PPFIBP2: variants seen among roughly 807,000 people sequenced by gnomAD.
PPFIBP2 encodes PPFIB scaffold protein 2.
Under a neutral mutation model 118.3 loss-of-function variants are expected in PPFIBP2, and 118 were observed. The ratio of observed to expected loss-of-function variants is 1.00; its 90% confidence interval spans 0.86 to 1.16. PPFIBP2 has a LOEUF of 1.16. Ranked by LOEUF, PPFIBP2 falls within the 50% of genes most tolerant of loss-of-function variation. The pLI is 0.00. For missense variants in PPFIBP2, 1,195 were observed against 1,073.1 expected, an observed-to-expected ratio of 1.11 and a Z score of -1.59; for synonymous variants, 414 against 397.4, an observed-to-expected ratio of 1.04 and a Z score of -0.50.
At chr11:7,592,876 G>T (rs61890239) in intron 3 of PPFIBP2, among the ~76,000 whole-genome samples, 49,735 of 152,022 alleles carry the variant, frequency 0.33, 8,489 homozygotes, top group East Asian at 0.44. Context: ...GTTTCACAGA[G>T]GCCCTCCTGG....
intron 4 of PPFIBP2, 23 bp downstream of exon 4, chr11:7,593,247 C>T (rs752167308): frequency 1.8e-5 from 29 of 1,611,966 alleles, no homozygotes; most frequent in Middle Eastern, 3.3e-4. Context: ...TGGTGAGAAT[C>T]GGCTTATCCT....
chr11:7,660,985 G>GT (rs1854878429), downstream of PPFIBP2, among the ~76,000 whole-genome samples: 1 of 151,850 alleles, frequency 6.6e-6, no homozygotes, highest in Non-Finnish European at 1.5e-5. Context: ...TGTGGGATCG[G>GT]TGGTGATATC....
chr11:7,597,882 C>A (rs1590466532), intron 5 of PPFIBP2: 1 of 530,148 alleles, frequency 1.9e-6, no homozygotes, highest in East Asian at 3.3e-5. Context: ...GAAGGGCTGC[C>A]CTGAGATGAA....
chr11:7,635,458 T>G (rs1851328414), intron 13 of PPFIBP2, 94 bp from the exon 14 acceptor site: 3 of 1,266,678 alleles, frequency 2.4e-6, no homozygotes, highest in Non-Finnish European at 3.5e-6. Flanking sequence ...GCCTTTCAGA[T>G]TTAAGCAAAC....
At chr11:7,567,007 C>T (rs77685481) in intron 3 of PPFIBP2, among the ~76,000 whole-genome samples, 3,153 of 152,226 alleles carry the variant, frequency 0.021, 42 homozygotes, top group Non-Finnish European at 0.033. Flanking sequence ...TTTTATTAGC[C>T]GTTTGCTTTA....
At chr11:7,570,169 A>G (rs780663164) in intron 3 of PPFIBP2, among the ~76,000 whole-genome samples, 1 of 152,048 alleles carries the variant, frequency 6.6e-6, no homozygotes, top group Non-Finnish European at 1.5e-5. Flanking sequence ...GGTTAGTGGC[A>G]TAGATCTTTG....
chr11:7,536,614 A>G (rs990986027), intron 1 of PPFIBP2, among the ~76,000 whole-genome samples: 7 of 152,140 alleles, frequency 4.6e-5, no homozygotes, highest in African/African-American at 1.7e-4. Context: ...TTAAAGAAAG[A>G]TGCATGGTAG....
At chr11:7,567,889 G>GT (rs1855186189) in intron 3 of PPFIBP2, among the ~76,000 whole-genome samples, 2 of 152,194 alleles carry the variant, frequency 1.3e-5, no homozygotes, top group Admixed American at 1.3e-4. Context: ...CAGGTGACTC[G>GT]TAAGCACATT....
At chr11:7,534,662 G>T (rs1443107741) in intron 1 of PPFIBP2, among the ~76,000 whole-genome samples, 2 of 152,166 alleles carry the variant, frequency 1.3e-5, no homozygotes, top group Admixed American at 6.5e-5. Context: ...GTGGACAGGG[G>T]AGAGAATGGA....
At chr11:7,604,594 A>C (rs1228257142) in intron 5 of PPFIBP2, among the ~76,000 whole-genome samples, 1 of 152,032 alleles carries the variant, frequency 6.6e-6, no homozygotes, top group South Asian at 2.1e-4. Context: ...CCATCCACAC[A>C]CACACACCCC....
chr11:7,665,240 AGAG>A, the PPFIBP2 span: 3 of 752,230 alleles, frequency 4.0e-6, no homozygotes, highest in Non-Finnish European at 2.0e-6. Context: ...CACACCCAAA[AGAG>A]GAGAACCAGT....
chr11:7,657,579 T>C (rs956529210), downstream of PPFIBP2, among the ~76,000 whole-genome samples: 2 of 152,282 alleles, frequency 1.3e-5, no homozygotes, highest in East Asian at 3.9e-4. Flanking sequence ...AAGCTCCGTG[T>C]TTCCACCCCA....
chr11:7,544,507 GT>G (rs1852114179), intron 1 of PPFIBP2, among the ~76,000 whole-genome samples: 3 of 152,002 alleles, frequency 2.0e-5, no homozygotes, highest in Non-Finnish European at 2.9e-5. Flanking sequence ...CTACATCCCG[GT>G]TCACGCCTGT....
intron 3 of PPFIBP2, among the ~76,000 whole-genome samples, chr11:7,585,066 C>A (rs1441026666): frequency 3.3e-5 from 5 of 152,172 alleles, no homozygotes; most frequent in Non-Finnish European, 7.3e-5. Context: ...GTGCTGTGTT[C>A]AAAATCTCAG....
chr11:7,518,915 G>A (rs983969748), intron 1 of PPFIBP2, among the ~76,000 whole-genome samples: 4 of 152,224 alleles, frequency 2.6e-5, no homozygotes, highest in African/African-American at 9.6e-5. Context: ...CGTTCCTGCT[G>A]AGGGTTTGAA....
chr11:7,649,619 A>C lies in PPFIBP2; in HGVS notation c.2086A>C (p.Asn696His). 1 of 1,614,280 alleles carries C rather than the reference A, an allele frequency of 6.2e-7. No individual in the cohort carries two copies. The highest frequency in any genetic ancestry group is 8.5e-7 in the Non-Finnish European group (1 of 1,180,052). ...AIHVLHVNKF[N>H]PHCLHRRPAD... ...TCACGTGCTGCATGTCAACAAGTTC[A>C]ACCCCCACTGCCTGCACCGGCGGCC... The change falls in exon 21 of 24, where the codon AAC becomes CAC. Residue 696 changes from asparagine (N) to histidine (H), a missense_variant. Physicochemically the swap from Asn to His is moderately conservative, Grantham distance 68. Coordinates refer to ENST00000299492, the MANE Select transcript of PPFIBP2 (RefSeq NM_003621.5).
chr11:7,518,229 C>T (rs1243208499), intron 1 of PPFIBP2, among the ~76,000 whole-genome samples: 3 of 152,050 alleles, frequency 2.0e-5, no homozygotes, highest in Admixed American at 6.5e-5. Context: ...AAGCTTGCAC[C>T]GAATATCGGG....
chr11:7,665,143 A>G, the PPFIBP2 span: 1 of 413,512 alleles, frequency 2.4e-6, no homozygotes. Context: ...CCACGGAGAA[A>G]GATACTGAAA....
intron 22 of PPFIBP2, 70 bp from the exon 23 acceptor site, chr11:7,651,586 C>A: frequency 6.9e-7 from 1 of 1,441,076 alleles, no homozygotes. Context: ...ACAGGCCAGT[C>A]TCTCAGCATC....
Sources: allele counts gnomAD v4.1 joint callset (sites outside exome capture counted in the v4.1 genomes callset), GRCh38; gene constraint gnomAD v4.1.1; transcripts MANE v1.5; gene names NCBI Gene and HGNC (gene_info 2026-07-23, HGNC 2026-07-21).